The following ERFL variants were observed in gnomAD, a reference collection of about 807,000 sequenced individuals.
ERFL encodes the protein ETS domain-containing transcription factor ERF-like.
ERFL carries 8 observed loss-of-function variants against 27.9 expected under a neutral mutation model. That is an observed-to-expected ratio of 0.29 (90% CI 0.17 to 0.52). ERFL has a LOEUF of 0.52. Among genes scored for constraint, ERFL ranks in the 20% least tolerant of loss-of-function variants. The pLI, the probability that ERFL is intolerant of heterozygous loss-of-function variation, is 0.97. For synonymous variants in ERFL, 174 were observed against 202.8 expected (o/e 0.86, Z 1.21); for missense variants, 294 against 444.4 (o/e 0.66, Z 3.04).
chr19:41,915,017 G>A (rs1359855060), intron 1 of ERFL, among the ~76,000 whole-genome samples: 5 of 53,926 alleles, frequency 9.3e-5, no homozygotes, highest in Non-Finnish European at 1.5e-4. Context: ...TGCCCCCACC[G>A]TGTCCCTGTC....
intron 1 of ERFL, among the ~76,000 whole-genome samples, chr19:41,918,006 C>T (rs2074812391): frequency 6.6e-6 from 1 of 151,972 alleles, no homozygotes; most frequent in Non-Finnish European, 1.5e-5. Context: ...AGGGGCCGGC[C>T]CTCGACAGGC....
At chr19:41,920,138 C>T (rs1241731384) in intron 1 of ERFL, among the ~76,000 whole-genome samples, 2 of 128,352 alleles carry the variant, frequency 1.6e-5, no homozygotes, top group Admixed American at 8.5e-5. Flanking sequence ...CATGCGCTCA[C>T]AGACATGACA....
At position 41,916,369 on chromosome 19, in the gene ERFL, T is replaced by G. The variant is rs2074801859; in HGVS notation, c.-13-3437A>C. ...CCACTGCTGCCACACACAACCCACA[T>G]CACACAGATGCATGTGTCAGTAAAG... is the stretch of plus-strand genomic sequence containing the variant. On this transcript the variant is annotated intron_variant, in intron 1 of 5. Coordinates refer to ENST00000597630, the MANE Select transcript of ERFL (RefSeq NM_001365103.2). This position sits in a 1 kb window ranked among gnomAD's most constrained non-coding sequence, Gnocchi z 5.4. Among the ~76,000 whole-genome samples the G allele has an allele frequency of 6.6e-6, 1 of 151,656 alleles. No homozygotes were observed. Among genetic ancestry groups the G allele is most frequent in the South Asian group, 2.1e-4 (1 of 4,806 alleles).
intron 1 of ERFL, among the ~76,000 whole-genome samples, chr19:41,918,670 AC>A: frequency 6.9e-6 from 1 of 144,272 alleles, no homozygotes; most frequent in East Asian, 2.1e-4. Context: ...ACTACCCATC[AC>A]AGACACACCA....
At chr19:41,914,171 A>C (rs1244958472) in intron 1 of ERFL, among the ~76,000 whole-genome samples, 66 of 68,074 alleles carry the variant, frequency 9.7e-4, no homozygotes, top group African/African-American at 1.1e-3. Context: ...AGATGCCCCC[A>C]CCTCCCATCT....
chr19:41,920,275 A>C (rs1461321303), intron 1 of ERFL, among the ~76,000 whole-genome samples: 1 of 135,292 alleles, frequency 7.4e-6, no homozygotes, highest in African/African-American at 2.7e-5. Flanking sequence ...ATGCTCACAG[A>C]CATGATAACG....
At position 41,909,185 on chromosome 19, in the gene ERFL, G is replaced by A. The variant is rs1196218889; in HGVS notation, c.499-8C>T. 49 of 1,231,726 alleles carry A rather than the reference G, an allele frequency of 4.0e-5. No individual in the cohort carries two copies. Among genetic ancestry groups the A allele is most frequent in the Non-Finnish European group, 4.9e-5 (48 of 988,072 alleles). 76.3% of individuals were successfully genotyped at this position (1,231,726 alleles called of 1,614,324 possible). On this transcript the variant is annotated splice_polypyrimidine_tract_variant and splice_region_variant and intron_variant, in intron 4 of 5. Coordinates refer to ENST00000597630, the MANE Select transcript of ERFL (RefSeq NM_001365103.2). This position sits in a 1 kb window ranked among gnomAD's most constrained non-coding sequence, Gnocchi z 5.2. ...GAACAGGGTTTGCAGGGTCTAGAGA[G>A]GGAGTGGGAGAAGCCGCCCTTCTCA...
chr19:41,915,564 T>G (rs2074795924), intron 1 of ERFL, among the ~76,000 whole-genome samples: 1 of 152,012 alleles, frequency 6.6e-6, no homozygotes, highest in Admixed American at 6.5e-5. Context: ...TGTCTCCGTC[T>G]CCACATCTCC....
In ERFL at chr19:41,907,831, CCT is replaced by C. The variant is rs1555850748; in HGVS notation, c.*395_*396del. The C allele has an allele frequency of 5.3e-6, 1 of 188,184 alleles. No individual in the cohort carries two copies. The highest frequency in any genetic ancestry group is 1.2e-4 in the East Asian group (1 of 8,148). 11.7% of individuals were successfully genotyped at this position (188,184 alleles called of 1,614,324 possible). A position where few individuals can be genotyped will look rare whatever the true frequency, so the allele number is the denominator to read the frequency against. ...GGGGCGGGGTTATTGCTCTGAGCTC[CCT>C]GTCCCCAGGGGGGCCTATATGGGGG... On this transcript the variant is annotated 3_prime_UTR_variant, in exon 6 of 6. Transcript: ENST00000597630.
At chr19:41,925,970 G>A (rs2074868518) in intron 1 of ERFL, among the ~76,000 whole-genome samples, 1 of 152,032 alleles carries the variant, frequency 6.6e-6, no homozygotes, top group Admixed American at 6.6e-5. Flanking sequence ...GTGTGCAACA[G>A]AAGGAATGTG....
intron 2 of ERFL, 138 bp downstream of exon 2, chr19:41,912,715 G>T: frequency 2.5e-6 from 1 of 401,296 alleles, no homozygotes; most frequent in Non-Finnish European, 4.4e-6. Flanking sequence ...GGTTTGATTT[G>T]GGGGACTGAC....
chr19:41,909,061 A>G lies in ERFL; in HGVS notation c.615T>C (p.Ser205=). 1 of 1,230,362 alleles carries G rather than the reference A, an allele frequency of 8.1e-7. No individual in the cohort carries two copies. The highest frequency in any genetic ancestry group is 1.0e-6 in the Non-Finnish European group (1 of 987,086). The allele number at this position is 1,230,362 out of a possible 1,614,324, so 76.2% of individuals were successfully genotyped here. ...RLDSPFPFLG[S]GATSYSKPPG... is the part of the protein sequence containing the mutation. ...ACCCCAGAACCTCCAGGCTCTTACC[A>G]GAGCCCAGGAATGGGAAAGGGCTGT... Residue 205 remains serine (S), a splice_region_variant and synonymous_variant, in exon 5 of 6, where the codon TCT becomes TCC. Coordinates refer to ENST00000597630, the MANE Select transcript of ERFL (RefSeq NM_001365103.2). The surrounding 1 kb of genome is among the most constrained non-coding windows in gnomAD (Gnocchi z 5.2).
In ERFL at chr19:41,909,809, G is replaced by C; in HGVS notation, c.302+54C>G. 6.6e-7 allele frequency: 1 copy of C among 1,514,574 alleles called. No homozygotes were observed. Among genetic ancestry groups the C allele is most frequent in the African/African-American group, 1.4e-5 (1 of 72,704 alleles). 93.8% of individuals were successfully genotyped at this position (1,514,574 alleles called of 1,614,324 possible). A position where few individuals can be genotyped will look rare whatever the true frequency, so the allele number is the denominator to read the frequency against. The stretch of plus-strand genomic sequence containing the variant: ...CCCAGGATGCAGAGGGGGCACCAGA[G>C]GGACAGTTGGGGGAAAAGGACAAGG... On this transcript the variant is annotated intron_variant, in intron 3 of 5. Transcript: ENST00000597630. This position sits in a 1 kb window ranked among gnomAD's most constrained non-coding sequence, Gnocchi z 5.2.
intron 1 of ERFL, among the ~76,000 whole-genome samples, chr19:41,914,621 C>T (rs62639388): frequency 0.021 from 928 of 43,346 alleles, 132 homozygotes; most frequent in Non-Finnish European, 0.031. Flanking sequence ...TCCCCTTCCA[C>T]CATCTCTGTC....
Position 41,910,168 on chromosome 19 carries a change from C to T in ERFL, c.68-71G>A, listed in dbSNP as rs1474695739. 5 of 1,451,536 alleles carry T rather than the reference C, an allele frequency of 3.4e-6. No homozygotes were observed. The East Asian group carries it at 9.6e-5, about 28-fold the overall frequency. 89.9% of individuals were successfully genotyped at this position (1,451,536 alleles called of 1,614,324 possible). On this transcript the variant is annotated intron_variant, in intron 2 of 5. Transcript: ENST00000597630. The surrounding 1 kb of genome is among the most constrained non-coding windows in gnomAD (Gnocchi z 4.4). The stretch of plus-strand genomic sequence containing the variant: ...CCAGGGCTCTGGGTCCTGCTGGACT[C>T]AGTAACCTGGGAGGCATGTAGTTCT...
chr19:41,908,587 T>G lies in ERFL; in HGVS notation c.706A>C (p.Thr236Pro). 1 of 1,231,334 alleles carries G rather than the reference T, an allele frequency of 8.1e-7. No homozygotes were observed. The allele number at this position is 1,231,334 out of a possible 1,614,324, so 76.3% of individuals were successfully genotyped here. The change falls in exon 6 of 6, where the codon ACG becomes CCG. Residue 236 changes from threonine to proline, a missense_variant. Thr to Pro is a conservative substitution (Grantham distance 38). Around this residue, in one of 3 missense-constraint regions of ERFL, gnomAD observed 246 missense variants for 371.4 expected, o/e 0.66. Coordinates refer to ENST00000597630, the MANE Select transcript of ERFL (RefSeq NM_001365103.2). This position sits in a 1 kb window ranked among gnomAD's most constrained non-coding sequence, Gnocchi z 6.7. ...EYPWNFNPYLTGPFPKLPPSL... is the reference protein window; with the variant it reads ...EYPWNFNPYLPGPFPKLPPSL... ...GGAGGCAGCTTGGGGAAGGGGCCCG[T>G]GAGGTACGGGTTAAAGTTCCAGGGG...
chr19:41,913,034 C>T, intron 1 of ERFL, 102 bp from the exon 2 acceptor site: 2 of 435,792 alleles, frequency 4.6e-6, no homozygotes, highest in East Asian at 7.1e-5. Flanking sequence ...CTCCCAGGTC[C>T]CCACCCCAGC....
chr19:41,909,807 G>A lies in ERFL; in HGVS notation c.302+56C>T. 6.6e-7 allele frequency: 1 copy of A among 1,511,512 alleles called. No homozygotes were observed. Among genetic ancestry groups the A allele is most frequent in the African/African-American group, 1.4e-5 (1 of 72,646 alleles). 93.6% of individuals were successfully genotyped at this position (1,511,512 alleles called of 1,614,324 possible). On this transcript the variant is annotated intron_variant, in intron 3 of 5. Transcript: ENST00000597630. This position sits in a 1 kb window ranked among gnomAD's most constrained non-coding sequence, Gnocchi z 5.2. ...GCCCCAGGATGCAGAGGGGGCACCAGAGGGACAGTTGGGGGAAAAGGACAA... is the reference window on the plus strand; with the variant it reads ...GCCCCAGGATGCAGAGGGGGCACCAAAGGGACAGTTGGGGGAAAAGGACAA...
intron 1 of ERFL, among the ~76,000 whole-genome samples, chr19:41,927,575 T>A (rs2074879086): frequency 6.6e-6 from 1 of 152,084 alleles, no homozygotes; most frequent in Non-Finnish European, 1.5e-5. Flanking sequence ...CCGCCCCAAG[T>A]GTCCAGTCTC....
Sources: allele counts gnomAD v4.1 joint callset (sites outside exome capture counted in the v4.1 genomes callset), GRCh38; gene constraint gnomAD v4.1.1; regional missense constraint gnomAD v4.1.1; non-coding constraint Gnocchi (gnomAD v3.1); transcripts MANE v1.5; gene names NCBI Gene and HGNC (gene_info 2026-07-23, HGNC 2026-07-21).